Variants in ITSN1 observed in about 807,000 individuals in gnomAD.
The protein encoded by ITSN1 is intersectin 1.
In ITSN1, 58 loss-of-function variants were observed where a neutral mutation model predicts 239.8. That is an observed-to-expected ratio of 0.24 (90% CI 0.20 to 0.30). The LOEUF is 0.30. Ranked by LOEUF, ITSN1 falls within the 10% of genes least tolerant of loss-of-function variation. The pLI, the probability that ITSN1 is intolerant of heterozygous loss-of-function variation, is 1.00. For synonymous variants in ITSN1, 780 were observed against 770.8 expected (o/e 1.01, Z -0.20); for missense variants, 1,558 against 2,103.3 (o/e 0.74, Z 5.07).
intron 30 of ITSN1, among the ~76,000 whole-genome samples, chr21:33,857,776 G>T (rs563381180): frequency 6.6e-6 from 1 of 152,136 alleles, no homozygotes; most frequent in Non-Finnish European, 1.5e-5. Context: ...TGTCCAGGGT[G>T]CAAGTGTCAC....
intron 2 of ITSN1, among the ~76,000 whole-genome samples, chr21:33,720,937 G>A (rs1418955188): frequency 1.3e-5 from 2 of 152,096 alleles, no homozygotes; most frequent in African/African-American, 2.4e-5. Context: ...TCTAAAAAAG[G>A]AATGTGTGCC....
In ITSN1 at chr21:33,883,650, G is replaced by A. The variant is rs1408360223; in HGVS notation, c.4655G>A (p.Arg1552Gln). The A allele has an allele frequency of 3.1e-6, 5 of 1,613,484 alleles. No homozygotes were observed. The highest frequency in any genetic ancestry group is 1.6e-4 in the Middle Eastern group (1 of 6,062). Reference sequence around the variant, plus strand: ...CACATTGACCGCGTCTATACTCTCCGAGCAGAAAGCATAAATGAAAGGTGA... The same window carrying A: ...CACATTGACCGCGTCTATACTCTCCAAGCAGAAAGCATAAATGAAAGGTGA... ...ISHIDRVYTL[R>Q]AESINERTAW... Residue 1552 changes from arginine to glutamine, a missense_variant, in exon 36 of 40, where the codon CGA becomes CAA. By Grantham distance (43) the Arg-to-Gln change is conservative. This residue lies in a region of ITSN1 where 576 missense variants were observed against 893.3 expected (regional missense o/e 0.64). Coordinates refer to ENST00000381318, the MANE Select transcript of ITSN1 (RefSeq NM_003024.3).
chr21:33,820,548 T>C (rs2073602600), intron 24 of ITSN1, among the ~76,000 whole-genome samples: 1 of 152,202 alleles, frequency 6.6e-6, no homozygotes, highest in African/African-American at 2.4e-5. Context: ...ACAGCTGTTT[T>C]AGGTGGAGAC....
At chr21:33,680,645 C>T (rs996869945) in intron 1 of ITSN1, among the ~76,000 whole-genome samples, 13 of 151,510 alleles carry the variant, frequency 8.6e-5, no homozygotes, top group African/African-American at 3.2e-4. Context: ...GCCATACTTT[C>T]TGCATTTTTC....
chr21:33,713,308 A>G (rs886494767), intron 1 of ITSN1, among the ~76,000 whole-genome samples: 1 of 151,198 alleles, frequency 6.6e-6, no homozygotes, highest in Non-Finnish European at 1.5e-5. Context: ...GGCACGATCT[A>G]GGCTCACTGC....
chr21:33,767,432 T>G (rs529963744), intron 10 of ITSN1, among the ~76,000 whole-genome samples: 1 of 152,310 alleles, frequency 6.6e-6, no homozygotes, highest in East Asian at 1.9e-4. Context: ...GTCCCAGGCA[T>G]TGTTCTTACC....
intron 34 of ITSN1, among the ~76,000 whole-genome samples, chr21:33,875,829 C>T (rs1361875892): frequency 2.6e-5 from 4 of 152,114 alleles, no homozygotes; most frequent in South Asian, 2.1e-4. Flanking sequence ...TACAGGCACA[C>T]GCCACTACAC....
At chr21:33,887,792 G>A (rs1254773478) in intron 39 of ITSN1, among the ~76,000 whole-genome samples, 2 of 151,824 alleles carry the variant, frequency 1.3e-5, no homozygotes, top group Non-Finnish European at 2.9e-5. Flanking sequence ...ATTTTTTGTA[G>A]AGACAGGGTC....
At chr21:33,687,865 C>G (rs912577995) in intron 1 of ITSN1, among the ~76,000 whole-genome samples, 3 of 152,090 alleles carry the variant, frequency 2.0e-5, no homozygotes, top group Non-Finnish European at 2.9e-5. Flanking sequence ...TGATGTTAAG[C>G]TGAGTTTGTT....
intron 24 of ITSN1, 29 bp downstream of exon 24, chr21:33,819,352 C>A (rs2148273335): frequency 6.6e-7 from 1 of 1,518,690 alleles, no homozygotes; most frequent in East Asian, 2.2e-5. Flanking sequence ...TTATGTTCTT[C>A]AGAAGGGTCA....
intron 3 of ITSN1, among the ~76,000 whole-genome samples, chr21:33,721,558 G>A (rs766112884): frequency 6.6e-5 from 10 of 152,044 alleles, no homozygotes; most frequent in Non-Finnish European, 1.3e-4. Flanking sequence ...CACTCTGGGA[G>A]GCCGAGGTGG....
intron 11 of ITSN1, 125 bp from the exon 12 acceptor site, chr21:33,771,936 A>G: frequency 9.6e-7 from 1 of 1,044,676 alleles, no homozygotes; most frequent in Non-Finnish European, 1.4e-6. Flanking sequence ...ACAAGGACAC[A>G]GAAGCTTAGG....
intron 5 of ITSN1, among the ~76,000 whole-genome samples, chr21:33,745,026 TGACAAA>T (rs756930490): frequency 2.6e-5 from 4 of 152,186 alleles, no homozygotes; most frequent in Non-Finnish European, 5.9e-5. Context: ...AGCTAATAAA[TGACAAA>T]GACATAGTAG....
intron 7 of ITSN1, among the ~76,000 whole-genome samples, chr21:33,753,804 G>A (rs1219961051): frequency 7.0e-6 from 1 of 143,014 alleles, no homozygotes; most frequent in Non-Finnish European, 1.5e-5. Flanking sequence ...CCTATACCAT[G>A]CTGAAGTTTT....
chr21:33,709,896 T>A (rs2146940586), intron 1 of ITSN1, among the ~76,000 whole-genome samples: 1 of 152,162 alleles, frequency 6.6e-6, no homozygotes, highest in Non-Finnish European at 1.5e-5. Context: ...TATTGAGTAA[T>A]CTCCATATCA....
chr21:33,714,867 A>G (rs2065048417), intron 1 of ITSN1, among the ~76,000 whole-genome samples: 1 of 152,220 alleles, frequency 6.6e-6, no homozygotes, highest in Non-Finnish European at 1.5e-5. Context: ...CTAGCTGTGT[A>G]GTGAAAGAAT....
chr21:33,652,183 G>C (rs1197420852), intron 1 of ITSN1, among the ~76,000 whole-genome samples: 1 of 152,146 alleles, frequency 6.6e-6, no homozygotes. Context: ...TAGGGACCAC[G>C]AGCACTGAAG....
chr21:33,657,161 G>C (rs2089162779), intron 1 of ITSN1, among the ~76,000 whole-genome samples: 1 of 152,156 alleles, frequency 6.6e-6, no homozygotes. Context: ...AGATAGGTAG[G>C]TTTTCAACCC....
chr21:33,897,340 A>AC lies in ITSN1; in HGVS notation c.*9044dup, dbSNP rs34328517. 3.3e-5 allele frequency: 5 copies of AC among 152,190 alleles called. No individual in the cohort carries two copies. Among genetic ancestry groups the AC allele is most frequent in the Non-Finnish European group, 7.4e-5 (5 of 68,024 alleles). The allele number at this position is 152,190 out of a possible 1,614,324, so 9.4% of individuals were successfully genotyped here. A position where few individuals can be genotyped will look rare whatever the true frequency, so the allele number is the denominator to read the frequency against. ...TAGATAGGGGAGTTGGCCCCTGCCC[A>AC]CCCCGTGTTGTATTGCCTTAGCTCC... is the stretch of plus-strand genomic sequence containing the variant. On this transcript the variant is annotated 3_prime_UTR_variant, in exon 40 of 40. Coordinates refer to ENST00000381318, the MANE Select transcript of ITSN1 (RefSeq NM_003024.3).
Sources: gnomAD v4.1 joint callset for allele counts (sites outside exome capture counted in the v4.1 genomes callset) on GRCh38, gnomAD v4.1.1 for gene constraint, gnomAD v4.1.1 regional missense constraint, MANE v1.5 for transcripts, NCBI Gene and HGNC (gene_info 2026-07-23, HGNC 2026-07-21) for gene names.